XPO6: variants seen among roughly 807,000 people sequenced by gnomAD.
XPO6 encodes the protein exportin 6.
A neutral mutation model predicts 130.0 loss-of-function variants in XPO6; 3 were observed. That is an observed-to-expected ratio of 0.02 (90% CI 0.01 to 0.06). The LOEUF (loss-of-function observed/expected upper bound fraction) is 0.06. XPO6 is among the 10% of genes least tolerant of loss of function. The probability of loss-of-function intolerance (pLI) is 1.00; values close to 1 mark genes in which losing one functional copy is unlikely to be tolerated. For missense variants in XPO6, 970 were observed against 1,393.0 expected (o/e 0.70, Z 4.83); for synonymous variants, 524 against 548.9 (o/e 0.95, Z 0.63).
At chr16:28,165,609 T>C (rs535006857) in intron 6 of XPO6, among the ~76,000 whole-genome samples, 2 of 152,360 alleles carry the variant, frequency 1.3e-5, no homozygotes, top group Admixed American at 6.5e-5. Flanking sequence ...AGTAACTCTG[T>C]AAGAATTTCA....
chr16:28,104,430 A>G (rs3751809), intron 21 of XPO6, 116 bp downstream of exon 21: 34,076 of 1,293,246 alleles, frequency 0.026, 2,734 homozygotes, highest in East Asian at 0.19. Context: ...AACTTCATCA[A>G]TACTAACAGG....
intron 15 of XPO6, 41 bp downstream of exon 15, chr16:28,117,277 A>G (rs1403335299): frequency 1.9e-6 from 3 of 1,609,362 alleles, no homozygotes. Flanking sequence ...AAGGAGAGAC[A>G]GAGAGTTAGA....
chr16:28,167,700 C>T (rs908412495), intron 5 of XPO6, among the ~76,000 whole-genome samples: 9 of 152,102 alleles, frequency 5.9e-5, no homozygotes, highest in African/African-American at 1.9e-4. Flanking sequence ...CTCTTTGTAC[C>T]CGTACAGAAC....
At chr16:28,207,835 T>C (rs1296143738) in intron 1 of XPO6, among the ~76,000 whole-genome samples, 1 of 152,214 alleles carries the variant, frequency 6.6e-6, no homozygotes, top group Non-Finnish European at 1.5e-5. Flanking sequence ...TGGGGTTTAC[T>C]GATACTGAAT....
At chr16:28,187,029 C>G (rs937574595) in intron 1 of XPO6, among the ~76,000 whole-genome samples, 1 of 152,084 alleles carries the variant, frequency 6.6e-6, no homozygotes, top group African/African-American at 2.4e-5. Flanking sequence ...GTAGTCCTGG[C>G]GTACATATAA....
intron 1 of XPO6, chr16:28,183,388 T>C (rs1488412682): frequency 6.7e-6 from 1 of 150,162 alleles, no homozygotes; most frequent in Non-Finnish European, 1.5e-5. Context: ...CTCCTTGTTC[T>C]ACTCTTTCCC....
chr16:28,201,555 C>A (rs2043952628), intron 1 of XPO6, among the ~76,000 whole-genome samples: 1 of 152,186 alleles, frequency 6.6e-6, no homozygotes, highest in Non-Finnish European at 1.5e-5. Flanking sequence ...GTCTGACACT[C>A]ACTGTAAGAA....
At chr16:28,150,171 G>A (rs1036110779) in intron 8 of XPO6, among the ~76,000 whole-genome samples, 4 of 152,164 alleles carry the variant, frequency 2.6e-5, no homozygotes, top group African/African-American at 7.2e-5. Flanking sequence ...CTGTCTGGAC[G>A]TCAAAGACAT....
rs943436490 is a variant in XPO6, at chr16:28,203,324, CAG to C, written c.3+8040_3+8041del. ...CAGCAATGGGTTGTAGAATGAATGACAGGGGGAAAGGAGAGGTGGGAGGTTGA... is the reference window on the plus strand; with the variant it reads ...CAGCAATGGGTTGTAGAATGAATGACGGGGAAAGGAGAGGTGGGAGGTTGA... On this transcript the variant is annotated intron_variant, in intron 1 of 23. Transcript: ENST00000304658. Among the ~76,000 whole-genome samples the C allele has an allele frequency of 6.0e-5, 9 of 150,068 alleles. No individual in the cohort carries two copies. The East Asian group carries it at 7.8e-4, about 13-fold the overall frequency.
chr16:28,157,593 T>C (rs1160814810), intron 6 of XPO6, among the ~76,000 whole-genome samples: 1 of 152,194 alleles, frequency 6.6e-6, no homozygotes, highest in Non-Finnish European at 1.5e-5. Context: ...TAAAATCTAT[T>C]TTTAAAATGC....
rs553875315 is a variant in XPO6 at position 28,126,993 on chromosome 16, C to T, written c.1607-1145G>A. Among the ~76,000 whole-genome samples the T allele has an allele frequency of 3.9e-5, 6 of 152,278 alleles. No homozygotes were observed. The East Asian group carries it at 9.7e-4, about 25-fold the overall frequency. On this transcript the variant is annotated intron_variant, in intron 12 of 23. Coordinates refer to ENST00000304658, the MANE Select transcript of XPO6 (RefSeq NM_015171.4). The stretch of plus-strand genomic sequence containing the variant: ...CCCTCCTCCTCACACTGGTCACCAC[C>T]AACCCTCCTCCCGCTGTGCTCCAAA...
intron 14 of XPO6, among the ~76,000 whole-genome samples, chr16:28,118,959 A>C (rs1354675050): frequency 6.6e-6 from 1 of 152,192 alleles, no homozygotes; most frequent in African/African-American, 2.4e-5. Context: ...CTGGATTGTC[A>C]CTGTTTCTAG....
chr16:28,124,549 G>A (rs1337814373), intron 13 of XPO6, among the ~76,000 whole-genome samples: 1 of 152,114 alleles, frequency 6.6e-6, no homozygotes, highest in African/African-American at 2.4e-5. Context: ...ACAACATGTG[G>A]ACCCAGGAAA....
rs555288267 is a variant in XPO6, at chr16:28,197,121, T to A, written c.3+14245A>T. On this transcript the variant is annotated intron_variant, in intron 1 of 23. Transcript: ENST00000304658. ...ACAAAAATTAGCCGGGTGTGATGGC[T>A]AACACCTGTAATCCCAGCTACTCGG... is the stretch of plus-strand genomic sequence containing the variant. Among the ~76,000 whole-genome samples, 5 of 152,076 alleles carry A rather than the reference T, an allele frequency of 3.3e-5. No homozygotes were observed. The East Asian group carries it at 7.7e-4, about 24-fold the overall frequency.
chr16:28,211,741 C>T lies in XPO6; in HGVS notation c.-373G>A, dbSNP rs2044137233. 2 of 345,636 alleles carry T rather than the reference C, an allele frequency of 5.8e-6. No individual in the cohort carries two copies. Among genetic ancestry groups the T allele is most frequent in the East Asian group, 4.3e-5 (1 of 23,196 alleles). 21.4% of individuals were successfully genotyped at this position (345,636 alleles called of 1,614,324 possible). A position where few individuals can be genotyped will look rare whatever the true frequency, so the allele number is the denominator to read the frequency against. ...CGGCCTCCGCGGGCAGAGGTGGCGG[C>T]GGCCCCGGCCCCGAGGCTGAACGGG... On this transcript the variant is annotated 5_prime_UTR_variant, in exon 1 of 24. Coordinates refer to ENST00000304658, the MANE Select transcript of XPO6 (RefSeq NM_015171.4).
rs2043848455 is a variant in XPO6, at chr16:28,195,711, C to G, written c.4-14680G>C. Among the ~76,000 whole-genome samples the G allele has an allele frequency of 2.0e-5, 3 of 152,156 alleles. No individual in the cohort carries two copies. The South Asian group carries it at 6.2e-4, about 32-fold the overall frequency. On this transcript the variant is annotated intron_variant, in intron 1 of 23. Transcript: ENST00000304658. ...GAGGTTGCAGTGAGCAGAGATCACGCCACTGCACTCCATCCTGGGTGACAG... is the reference window on the plus strand; with the variant it reads ...GAGGTTGCAGTGAGCAGAGATCACGGCACTGCACTCCATCCTGGGTGACAG...
rs995736159 is a variant in XPO6, at chr16:28,112,029, C to T, written c.2152-23G>A. 5 of 1,598,180 alleles carry T rather than the reference C, an allele frequency of 3.1e-6. No homozygotes were observed. The African/African-American group carries it at 6.7e-5, about 21-fold the overall frequency. ...GGCCTACAAGAGACCCCAAAGGCATCCATCAGAGGTCAGAGCCAAAGACCG... is the reference window on the plus strand; with the variant it reads ...GGCCTACAAGAGACCCCAAAGGCATTCATCAGAGGTCAGAGCCAAAGACCG... On this transcript the variant is annotated intron_variant, in intron 16 of 23. Transcript: ENST00000304658.
intron 1 of XPO6, among the ~76,000 whole-genome samples, chr16:28,203,059 T>C (rs2141911071): frequency 6.6e-6 from 1 of 152,338 alleles, no homozygotes; most frequent in Middle Eastern, 3.4e-3. Context: ...GAGGATCACT[T>C]GAGCCCAGCA....
chr16:28,176,913 C>A (rs1026709420), intron 3 of XPO6, among the ~76,000 whole-genome samples: 1 of 152,044 alleles, frequency 6.6e-6, no homozygotes, highest in African/African-American at 2.4e-5. Flanking sequence ...GTTATTATTT[C>A]TCCTCCTAAA....
Sources: gnomAD v4.1 joint callset for allele counts (sites outside exome capture counted in the v4.1 genomes callset) on GRCh38, gnomAD v4.1.1 for gene constraint, MANE v1.5 for transcripts, NCBI Gene and HGNC (gene_info 2026-07-23, HGNC 2026-07-21) for gene names.